FAM221A: variants seen among roughly 807,000 people sequenced by gnomAD.
The protein encoded by FAM221A is protein FAM221A.
Under a neutral mutation model 37.6 loss-of-function variants are expected in FAM221A, and 43 were observed. The observed-to-expected ratio is 1.15, with a 90% CI of 0.90 to 1.48. The LOEUF (loss-of-function observed/expected upper bound fraction) is 1.48. Among genes scored for constraint, FAM221A ranks in the 40% most tolerant of loss-of-function variants. The pLI is 0.00. For synonymous variants in FAM221A, 135 were observed against 132.9 expected, an observed-to-expected ratio of 1.02 and a Z score of -0.11; for missense variants, 361 against 361.5, an observed-to-expected ratio of 1.00 and a Z score of 0.01.
At chr7:23,697,700 C>T (rs1785143525) in intron 4 of FAM221A, among the ~76,000 whole-genome samples, 1 of 152,128 alleles carries the variant, frequency 6.6e-6, no homozygotes, top group Admixed American at 6.6e-5. Flanking sequence ...AAAAAGTTCT[C>T]AGAAATGTGC....
chr7:23,698,580 T>G (rs1227776609), intron 5 of FAM221A, among the ~76,000 whole-genome samples: 1 of 152,186 alleles, frequency 6.6e-6, no homozygotes, highest in Non-Finnish European at 1.5e-5. Context: ...TGCTCTGGTG[T>G]TTGAATAAGA....
intron 1 of FAM221A, 52 bp downstream of exon 1, chr7:23,680,335 C>T (rs1375295783): frequency 4.1e-6 from 6 of 1,449,448 alleles, no homozygotes; most frequent in Non-Finnish European, 3.7e-6. Flanking sequence ...GGGCCAGGAT[C>T]CCTGGGCTGG....
chr7:23,685,637 G>A (rs1169831004), intron 2 of FAM221A, among the ~76,000 whole-genome samples: 1 of 152,176 alleles, frequency 6.6e-6, no homozygotes, highest in Non-Finnish European at 1.5e-5. Context: ...ATACCTTAAG[G>A]ATCTGCTGTG....
At chr7:23,686,351 C>T (rs1357659272) in intron 2 of FAM221A, 3 of 408,054 alleles carry the variant, frequency 7.4e-6, no homozygotes, top group African/African-American at 6.4e-5. Flanking sequence ...GCAGCCTCGA[C>T]CTCCTGGGCT....
chr7:23,688,409 C>T (rs1359903151), intron 2 of FAM221A: 1 of 152,076 alleles, frequency 6.6e-6, no homozygotes, highest in Non-Finnish European at 1.5e-5. Flanking sequence ...TACTGAATAT[C>T]ACCTATGAGA....
chr7:23,690,195 A>ATG (rs1218214025), intron 3 of FAM221A, among the ~76,000 whole-genome samples: 1 of 38,704 alleles, frequency 2.6e-5, no homozygotes, highest in African/African-American at 9.9e-5. Flanking sequence ...ATATATATAT[A>ATG]TATATTTTTT....
At chr7:23,681,397 G>A (rs1784030404) in intron 1 of FAM221A, among the ~76,000 whole-genome samples, 1 of 152,180 alleles carries the variant, frequency 6.6e-6, no homozygotes, top group Non-Finnish European at 1.5e-5. Context: ...TATGTATGTA[G>A]TTATTTATTT....
chr7:23,690,516 T>G (rs61423536), intron 3 of FAM221A, among the ~76,000 whole-genome samples: 2,536 of 152,166 alleles, frequency 0.017, 70 homozygotes, highest in African/African-American at 0.057. Flanking sequence ...TTCCCATATA[T>G]GTTTGTCAGA....
chr7:23,686,165 T>G (rs1784354625), intron 2 of FAM221A: 1 of 305,498 alleles, frequency 3.3e-6, no homozygotes, highest in South Asian at 2.5e-5. Context: ...GGTAAGTTTG[T>G]GATAGTTTTA....
At chr7:23,683,703 G>T (rs1324631940) in intron 1 of FAM221A, among the ~76,000 whole-genome samples, 1 of 152,082 alleles carries the variant, frequency 6.6e-6, no homozygotes, top group South Asian at 2.1e-4. Flanking sequence ...GGGGAGAAAA[G>T]ATTTCTTTTC....
At chr7:23,700,557 T>C (rs1222086892) in intron 5 of FAM221A, among the ~76,000 whole-genome samples, 3 of 152,214 alleles carry the variant, frequency 2.0e-5, no homozygotes, top group Non-Finnish European at 4.4e-5. Context: ...TGCTATTTAA[T>C]ATGAACTGTG....
chr7:23,681,118 C>T (rs544129969), intron 1 of FAM221A, among the ~76,000 whole-genome samples: 12 of 152,158 alleles, frequency 7.9e-5, no homozygotes, highest in African/African-American at 2.4e-4. Context: ...TTTTGGGTAA[C>T]CCTTAGAACT....
rs372509943 is a variant in FAM221A, at chr7:23,696,928, G to C, written c.638-1264G>C. Among the ~76,000 whole-genome samples, 16 of 152,290 alleles carry C rather than the reference G, an allele frequency of 1.1e-4. 2 individuals are homozygous for C. Among genetic ancestry groups the C allele is most frequent in the Admixed American group, 9.2e-4 (14 of 15,298 alleles). ...AGCTCTCTGGGGGTGTGGGAAGGCA[G>C]CTGACCTGTGAGTCAGTGGGCCAGT... On this transcript the variant is annotated intron_variant, in intron 4 of 6. Coordinates refer to ENST00000344962, the MANE Select transcript of FAM221A (RefSeq NM_199136.5).
At chr7:23,699,633 AC>A (rs1785283882) in intron 5 of FAM221A, among the ~76,000 whole-genome samples, 1 of 133,456 alleles carries the variant, frequency 7.5e-6, no homozygotes, top group South Asian at 2.4e-4. Context: ...ACCTCCACCT[AC>A]CTGGCTCAAG....
chr7:23,698,089 T>C, intron 4 of FAM221A, 103 bp from the exon 5 acceptor site: 2 of 704,700 alleles, frequency 2.8e-6, no homozygotes, highest in Non-Finnish European at 4.8e-6. Context: ...AAAGAATTTC[T>C]AATAATTCTG....
intron 2 of FAM221A, chr7:23,688,344 C>T (rs1784495017): frequency 6.6e-6 from 1 of 152,032 alleles, no homozygotes; most frequent in Non-Finnish European, 1.5e-5. Context: ...CCGCAACCGG[C>T]CTTTAATTTG....
At chr7:23,680,869 G>T (rs12700456) in intron 1 of FAM221A, 66,972 of 151,598 alleles carry the variant, frequency 0.44, 15,665 homozygotes, top group South Asian at 0.67. Context: ...GTTTTTGATC[G>T]TCCGGAATCT....
intron 2 of FAM221A, 29 bp downstream of exon 2, chr7:23,684,701 A>T (rs1232138897): frequency 6.4e-7 from 1 of 1,557,728 alleles, no homozygotes; most frequent in South Asian, 1.2e-5. Flanking sequence ...AAGTTTTTTG[A>T]TAATTAGAAA....
rs1225559638 is a variant in FAM221A at position 23,702,512 on chromosome 7, CA to C, written c.*349del. 6.3e-6 allele frequency: 1 copy of C among 158,078 alleles called. No individual in the cohort carries two copies. Among genetic ancestry groups the C allele is most frequent in the Non-Finnish European group, 1.4e-5 (1 of 72,316 alleles). The allele number at this position is 158,078 out of a possible 1,614,324, so 9.8% of individuals were successfully genotyped here. A position where few individuals can be genotyped will look rare whatever the true frequency, so the allele number is the denominator to read the frequency against. On this transcript the variant is annotated 3_prime_UTR_variant, in exon 7 of 7. Coordinates refer to ENST00000344962, the MANE Select transcript of FAM221A (RefSeq NM_199136.5). ...AAGGGTTTTGGACAAACATATGAGC[CA>C]TTTTTTTGTCATTCAAAATAGTAAG...
Sources: allele counts gnomAD v4.1 joint callset (sites outside exome capture counted in the v4.1 genomes callset), GRCh38; gene constraint gnomAD v4.1.1; transcripts MANE v1.5; gene names NCBI Gene and HGNC (gene_info 2026-07-23, HGNC 2026-07-21).